Variants in ADGRA3 observed in about 807,000 individuals in gnomAD.
The protein encoded by ADGRA3 is G-protein coupled receptor 125.
ADGRA3 carries 56 observed loss-of-function variants against 119.8 expected under a neutral mutation model. That is an observed-to-expected ratio of 0.47 (90% CI 0.38 to 0.58). The LOEUF (loss-of-function observed/expected upper bound fraction) is 0.58. ADGRA3 is among the 20% of genes least tolerant of loss of function. The pLI, the probability that ADGRA3 is intolerant of heterozygous loss-of-function variation, is 0.00. For missense variants in ADGRA3, 1,516 were observed against 1,649.0 expected (o/e 0.92, Z 1.40); for synonymous variants, 607 against 623.8 (o/e 0.97, Z 0.40).
chr4:22,450,955 T>A (rs1048671342), intron 4 of ADGRA3, among the ~76,000 whole-genome samples: 10 of 143,808 alleles, frequency 7.0e-5, no homozygotes, highest in African/African-American at 1.3e-4. Flanking sequence ...AAAAAAAATA[T>A]ATATATATAT....
At chr4:22,425,039 C>A (rs1379215561) in intron 10 of ADGRA3, among the ~76,000 whole-genome samples, 1 of 150,912 alleles carries the variant, frequency 6.6e-6, no homozygotes, top group African/African-American at 2.4e-5. Flanking sequence ...CGTGCCACTG[C>A]ACTCTAGCCT....
chr4:22,392,804 C>T (rs759275989), intron 16 of ADGRA3, 114 bp from the exon 17 acceptor site: 47 of 880,352 alleles, frequency 5.3e-5, no homozygotes, highest in Non-Finnish European at 7.5e-5. Context: ...AAGGCCTATC[C>T]TAATAATCAA....
Position 22,392,577 on chromosome 4 carries a change from A to G in ADGRA3, c.2595T>C (p.Asp865=), listed in dbSNP as rs577682714. Residue 865 remains aspartate, a synonymous_variant, in exon 17 of 19, where the codon GAT becomes GAC. Coordinates refer to ENST00000334304, the MANE Select transcript of ADGRA3 (RefSeq NM_145290.4). ...TKKAKRCQDP[D]EPPPPPRPML... ...TTGGTCTTGGTGGAGGTGGTGGTTC[A>G]TCAGGATCCTGGCATCTTTTAGCTT... The G allele has an allele frequency of 5.6e-6, 9 of 1,614,016 alleles. No individual in the cohort carries two copies. Among genetic ancestry groups the G allele is most frequent in the South Asian group, 4.4e-5 (4 of 91,080 alleles).
rs140116910 is a variant in ADGRA3, at chr4:22,413,250, T to C, written c.2164A>G (p.Ile722Val). 21 of 1,614,008 alleles carry C rather than the reference T, an allele frequency of 1.3e-5. No homozygotes were observed. Among genetic ancestry groups the C allele is most frequent in the Non-Finnish European group, 1.8e-5 (21 of 1,179,994 alleles). ...GTGATATTTTCATCTGAATAGAGTATATGGCACCCATCTGACTTCCAGCCT... is the reference window on the plus strand; with the variant it reads ...GTGATATTTTCATCTGAATAGAGTACATGGCACCCATCTGACTTCCAGCCT... Reference protein sequence around the residue: ...QGGWKSDGCHILYSDENITTI... With the variant: ...QGGWKSDGCHVLYSDENITTI... The change falls in exon 14 of 19, where the codon ATA becomes GTA. Residue 722 changes from isoleucine to valine, a missense_variant. Around this residue, in one of 2 missense-constraint regions of ADGRA3, gnomAD observed 1,088 missense variants for 1,107.1 expected, o/e 0.98. Transcript: ENST00000334304.
rs553984951 is a variant in ADGRA3 at position 22,389,098 on chromosome 4, T to G, written c.2713A>C (p.Asn905His). 6.2e-7 allele frequency: 1 copy of G among 1,613,952 alleles called. No individual in the cohort carries two copies. The highest frequency in any genetic ancestry group is 8.5e-7 in the Non-Finnish European group (1 of 1,179,848). Residue 905 changes from asparagine to histidine, a missense_variant, in exon 18 of 19, where the codon AAC becomes CAC. Physicochemically the swap from Asn to His is moderately conservative, Grantham distance 68 (BLOSUM62 1). Coordinates refer to ENST00000334304, the MANE Select transcript of ADGRA3 (RefSeq NM_145290.4). The part of the protein sequence containing the change: ...ANIKNYGSRP[N>H]APYCWMAWEP... ...ATATAAAATACTCACTAGGGTGCGTTTGGCCGACTGCCGTAATTCTTAATG... is the reference window on the plus strand; with the variant it reads ...ATATAAAATACTCACTAGGGTGCGTGTGGCCGACTGCCGTAATTCTTAATG...
chr4:22,505,697 T>C (rs1719213239), intron 1 of ADGRA3, among the ~76,000 whole-genome samples: 1 of 151,108 alleles, frequency 6.6e-6, no homozygotes, highest in Non-Finnish European at 1.5e-5. Flanking sequence ...CCCCCTGCTG[T>C]TTTAGCAGAG....
chr4:22,406,812 G>A (rs1300947289), intron 14 of ADGRA3, among the ~76,000 whole-genome samples: 1 of 151,940 alleles, frequency 6.6e-6, no homozygotes, highest in Non-Finnish European at 1.5e-5. Flanking sequence ...GACTTTGGGG[G>A]CCAAGAGGCA....
chr4:22,425,741 T>C (rs1232166342), intron 10 of ADGRA3, among the ~76,000 whole-genome samples: 1 of 152,216 alleles, frequency 6.6e-6, no homozygotes, highest in Non-Finnish European at 1.5e-5. Flanking sequence ...TCCAATACAC[T>C]TCACACAACG....
At chr4:22,474,679 TAAA>T (rs1717975084) in intron 1 of ADGRA3, among the ~76,000 whole-genome samples, 1 of 152,122 alleles carries the variant, frequency 6.6e-6, no homozygotes, top group Admixed American at 6.5e-5. Flanking sequence ...AAGAGTTAAG[TAAA>T]GGGCCCAAGA....
chr4:22,508,534 G>A (rs536627275), intron 1 of ADGRA3, among the ~76,000 whole-genome samples: 31 of 152,220 alleles, frequency 2.0e-4, no homozygotes, highest in Non-Finnish European at 3.2e-4. Flanking sequence ...AAATCAGGCT[G>A]CAGATGTATG....
intron 7 of ADGRA3, among the ~76,000 whole-genome samples, chr4:22,438,767 G>A (rs1000474338): frequency 2.0e-5 from 3 of 152,052 alleles, no homozygotes; most frequent in Non-Finnish European, 4.4e-5. Flanking sequence ...AGACAGAGGC[G>A]GGTGGCAGGA....
chr4:22,502,893 G>GAAAAAAAAAAAAAAAAAAAAATAAAA (rs71182944), intron 1 of ADGRA3, among the ~76,000 whole-genome samples: 1 of 120,098 alleles, frequency 8.3e-6, no homozygotes. Flanking sequence ...CTACTTAAGG[G>GAAAAAAAAAAAAAAAAAAAAATAAAA]AAAAAAAAAA....
intron 8 of ADGRA3, among the ~76,000 whole-genome samples, chr4:22,437,531 C>T (rs149875896): frequency 1.7e-4 from 26 of 151,960 alleles, no homozygotes; most frequent in African/African-American, 6.3e-4. Flanking sequence ...TTTTTAAATC[C>T]CTGAACATAA....
intron 1 of ADGRA3, among the ~76,000 whole-genome samples, chr4:22,497,963 G>A (rs1363607409): frequency 6.8e-6 from 1 of 147,924 alleles, no homozygotes; most frequent in African/African-American, 2.5e-5. Context: ...AAAAAAGGCC[G>A]GGGACAGTGG....
In ADGRA3 at chr4:22,414,722, T is replaced by C. The variant is rs537643210; in HGVS notation, c.1810-908A>G. 1.1e-4 allele frequency: 68 copies of C among 614,490 alleles called. No homozygotes were observed. The East Asian group carries it at 1.8e-3, about 17-fold the overall frequency. 38.1% of individuals were successfully genotyped at this position (614,490 alleles called of 1,614,324 possible). ...ATATAATTTGATGAAAATCTATTGC[T>C]CAGATGTATCCCCTGAATGCTCCTA... On this transcript the variant is annotated intron_variant, in intron 12 of 18. Transcript: ENST00000334304.
At position 22,402,671 on chromosome 4, in the gene ADGRA3, T is replaced by C; in HGVS notation, c.2357+4A>G. On this transcript the variant is annotated splice_donor_region_variant and intron_variant, in intron 15 of 18. Coordinates refer to ENST00000334304, the MANE Select transcript of ADGRA3 (RefSeq NM_145290.4). ...GATCTATTTTGTCGAGATGTATTTC[T>C]TACCTGTGATGGTATATGTAACTGA... The C allele has an allele frequency of 6.2e-7, 1 of 1,610,918 alleles. No individual in the cohort carries two copies. Among genetic ancestry groups the C allele is most frequent in the Non-Finnish European group, 8.5e-7 (1 of 1,179,098 alleles).
At position 22,387,786 on chromosome 4, in the gene ADGRA3, A is replaced by T. The variant is rs1713901682; in HGVS notation, c.3885T>A (p.Asn1295Lys). 2.1e-5 allele frequency: 34 copies of T among 1,614,040 alleles called. No homozygotes were observed. The highest frequency in any genetic ancestry group is 2.9e-5 in the Non-Finnish European group (34 of 1,179,936). The stretch of plus-strand genomic sequence containing the variant: ...TACCGAGCAAGGGTCCCTCCTGCCC[A>T]TTGCTTTTAATTGGTCCATTCTGAA... ...LAIQNGPIKS[N>K]GQEGPLLGTD... Residue 1295 changes from asparagine to lysine, a missense_variant, in exon 19 of 19, where the codon AAT becomes AAA. By Grantham distance (94) the Asn-to-Lys change is moderately conservative (BLOSUM62 0). Coordinates refer to ENST00000334304, the MANE Select transcript of ADGRA3 (RefSeq NM_145290.4).
intron 2 of ADGRA3, among the ~76,000 whole-genome samples, chr4:22,469,514 T>C (rs781062512): frequency 3.3e-5 from 5 of 152,144 alleles, no homozygotes; most frequent in Non-Finnish European, 7.3e-5. Flanking sequence ...CTCATCACCA[T>C]CTACAGCTTT....
At chr4:22,422,832 A>C (rs1715762496) in intron 11 of ADGRA3, among the ~76,000 whole-genome samples, 1 of 152,182 alleles carries the variant, frequency 6.6e-6, no homozygotes, top group African/African-American at 2.4e-5. Flanking sequence ...AGGTGGACAT[A>C]AATATGACAA....
Sources: allele counts gnomAD v4.1 joint callset (sites outside exome capture counted in the v4.1 genomes callset), GRCh38; gene constraint gnomAD v4.1.1; regional missense constraint gnomAD v4.1.1; transcripts MANE v1.5; gene names NCBI Gene and HGNC (gene_info 2026-07-23, HGNC 2026-07-21).